Variants in AGPAT3 observed in about 807,000 individuals in gnomAD.
AGPAT3 encodes 1-acylglycerol-3-phosphate O-acyltransferase 3, also known as 1-acyl-sn-glycerol-3-phosphate acyltransferase gamma.
Under a neutral mutation model 47.3 loss-of-function variants are expected in AGPAT3, and 5 were observed. The ratio of observed to expected loss-of-function variants is 0.11; its 90% CI spans 0.06 to 0.22. The LOEUF (loss-of-function observed/expected upper bound fraction) is 0.22. AGPAT3 is among the 10% of genes least tolerant of loss of function. The pLI is 1.00. For synonymous variants in AGPAT3, 212 were observed against 208.3 expected, an observed-to-expected ratio of 1.02 and a Z score of -0.15; for missense variants, 315 against 493.0, an observed-to-expected ratio of 0.64 and a Z score of 3.42.
Position 43,920,086 on chromosome 21 carries a change from C to CA in AGPAT3, c.-49+16068dup. On this transcript the variant is annotated intron_variant, in intron 2 of 9. Coordinates refer to ENST00000291572, the MANE Select transcript of AGPAT3 (RefSeq NM_020132.5). This position sits in a 1 kb window ranked among gnomAD's most constrained non-coding sequence, Gnocchi z 6.1. ...TGTCACCTGAAGCTTGGAGAAGGGA[C>CA]AGGAGTGCACTGCAGGCGGGGGTGT... Among the ~76,000 whole-genome samples the CA allele has an allele frequency of 6.6e-6, 1 of 152,256 alleles. No individual in the cohort carries two copies. The highest frequency in any genetic ancestry group is 1.5e-5 in the Non-Finnish European group (1 of 68,016).
intron 2 of AGPAT3, among the ~76,000 whole-genome samples, chr21:43,957,761 G>A (rs1027754922): frequency 6.6e-6 from 1 of 150,610 alleles, no homozygotes; most frequent in Non-Finnish European, 1.5e-5. Flanking sequence ...CCTCCACACG[G>A]GGGTCTCGGG....
chr21:43,947,732 C>T (rs1413924881), intron 2 of AGPAT3, among the ~76,000 whole-genome samples: 3 of 151,470 alleles, frequency 2.0e-5, no homozygotes, highest in Non-Finnish European at 4.4e-5. Flanking sequence ...AAAAAACTGC[C>T]TCCCGGGTTC....
intron 1 of AGPAT3, among the ~76,000 whole-genome samples, chr21:43,891,673 G>A: frequency 6.7e-6 from 1 of 150,092 alleles, no homozygotes; most frequent in Middle Eastern, 3.3e-3. Context: ...ACCTGTTCAA[G>A]TTTGATCATG....
At chr21:43,958,309 T>C in intron 2 of AGPAT3, among the ~76,000 whole-genome samples, 1 of 151,936 alleles carries the variant, frequency 6.6e-6, no homozygotes, top group East Asian at 1.9e-4. Context: ...CATATGAGTG[T>C]GCATGGGGTG....
intron 1 of AGPAT3, among the ~76,000 whole-genome samples, chr21:43,896,668 G>A (rs931610462): frequency 2.6e-5 from 4 of 152,208 alleles, no homozygotes; most frequent in Non-Finnish European, 5.9e-5. Flanking sequence ...TGAGAGCTAT[G>A]TTATTAGGTG....
intron 2 of AGPAT3, among the ~76,000 whole-genome samples, chr21:43,904,727 C>A (rs2146038019): frequency 6.6e-6 from 1 of 152,318 alleles, no homozygotes; most frequent in East Asian, 1.9e-4. Context: ...TGTTCCACCC[C>A]CGTTCCCAGG....
At chr21:43,938,947 C>A (rs1370803872) in intron 2 of AGPAT3, among the ~76,000 whole-genome samples, 1 of 152,162 alleles carries the variant, frequency 6.6e-6, no homozygotes, top group South Asian at 2.1e-4. Flanking sequence ...CACGCTCTCT[C>A]CTCCACCAGG....
intron 1 of AGPAT3, among the ~76,000 whole-genome samples, chr21:43,886,128 C>T (rs2085971945): frequency 6.6e-6 from 1 of 152,186 alleles, no homozygotes; most frequent in South Asian, 2.1e-4. Context: ...GGGTGCCTGG[C>T]ATGGAAACTT....
intron 2 of AGPAT3, among the ~76,000 whole-genome samples, chr21:43,921,866 C>T (rs1336826697): frequency 6.6e-6 from 1 of 152,130 alleles, no homozygotes; most frequent in African/African-American, 2.4e-5. Flanking sequence ...AGCCTCCCAC[C>T]CCAAGCTGGG....
chr21:43,869,581 G>A (rs1320345312), intron 1 of AGPAT3, among the ~76,000 whole-genome samples: 1 of 152,196 alleles, frequency 6.6e-6, no homozygotes, highest in Non-Finnish European at 1.5e-5. Flanking sequence ...TGGTGGGGGA[G>A]CACCAGACCT....
At chr21:43,866,100 G>A (rs1250519995) in intron 1 of AGPAT3, among the ~76,000 whole-genome samples, 1 of 150,188 alleles carries the variant, frequency 6.7e-6, no homozygotes, top group East Asian at 2.0e-4. Context: ...GTATTTGAAG[G>A]CAGTTAAAAA....
intron 2 of AGPAT3, among the ~76,000 whole-genome samples, chr21:43,953,537 T>C (rs1220802541): frequency 6.6e-6 from 1 of 152,200 alleles, no homozygotes; most frequent in South Asian, 2.1e-4. Flanking sequence ...GGGTGATCAA[T>C]AAAAGACTTT....
chr21:43,903,709 T>A (rs1003810428), intron 1 of AGPAT3, among the ~76,000 whole-genome samples: 1 of 152,180 alleles, frequency 6.6e-6, no homozygotes, highest in African/African-American at 2.4e-5. Context: ...GACTGTTCAT[T>A]TATGAGCCAT....
intron 2 of AGPAT3, chr21:43,950,725 G>C (rs1030717810): frequency 3.9e-5 from 6 of 152,398 alleles, no homozygotes; most frequent in African/African-American, 1.4e-4. Context: ...GCTGTCAGCG[G>C]CATGCCTGCC....
chr21:43,938,192 C>G (rs1195488456), intron 2 of AGPAT3, among the ~76,000 whole-genome samples: 2 of 151,758 alleles, frequency 1.3e-5, no homozygotes, highest in Non-Finnish European at 2.9e-5. Flanking sequence ...AAATGAATGT[C>G]TTGGTTCCAT....
rs896539821 is a variant in AGPAT3 at position 43,954,855 on chromosome 21, C to T, written c.-48-4779C>T. 4.2e-6 allele frequency: 1 copy of T among 236,858 alleles called. No individual in the cohort carries two copies. The highest frequency in any genetic ancestry group is 2.3e-5 in the African/African-American group (1 of 42,818). The allele number at this position is 236,858 out of a possible 1,614,324, so 14.7% of individuals were successfully genotyped here. A position where few individuals can be genotyped will look rare whatever the true frequency, so the allele number is the denominator to read the frequency against. On this transcript the variant is annotated intron_variant, in intron 2 of 9. Coordinates refer to ENST00000291572, the MANE Select transcript of AGPAT3 (RefSeq NM_020132.5). The surrounding 1 kb of genome is among the most constrained non-coding windows in gnomAD (Gnocchi z 4.0). ...ACTGAGTGCTGTGTGGCACCCGGGC[C>T]AGGAGAAACATGTGCCAGAGGGCAG...
intron 7 of AGPAT3, among the ~76,000 whole-genome samples, chr21:43,974,115 G>T (rs1406063553): frequency 6.6e-6 from 1 of 151,678 alleles, no homozygotes; most frequent in African/African-American, 2.4e-5. Flanking sequence ...TATGTATGTA[G>T]TATATGTGAT....
chr21:43,974,784 G>A (rs898053013), intron 7 of AGPAT3, among the ~76,000 whole-genome samples: 8 of 152,174 alleles, frequency 5.3e-5, no homozygotes, highest in African/African-American at 1.9e-4. Flanking sequence ...CAGCCAGCCA[G>A]TGTGGGCCTC....
intron 2 of AGPAT3, among the ~76,000 whole-genome samples, chr21:43,949,916 G>A (rs1455556840): frequency 6.6e-6 from 1 of 152,216 alleles, no homozygotes; most frequent in Admixed American, 6.5e-5. Flanking sequence ...ATCCTCCCAA[G>A]CTGTAAGCAC....
Sources: gnomAD v4.1 joint callset for allele counts (sites outside exome capture counted in the v4.1 genomes callset) on GRCh38, gnomAD v4.1.1 for gene constraint, Gnocchi (gnomAD v3.1) non-coding constraint, MANE v1.5 for transcripts, NCBI Gene and HGNC (gene_info 2026-07-23, HGNC 2026-07-21) for gene names.